MOV10L1: variants seen among roughly 807,000 people sequenced by gnomAD.
The protein encoded by MOV10L1 is Mov10 like RNA helicase 1.
MOV10L1 carries 110 observed loss-of-function variants against 143.8 expected under a neutral mutation model. That is an observed-to-expected ratio of 0.76 (90% CI 0.66 to 0.90). The LOEUF is 0.90. Ranked by LOEUF, MOV10L1 falls within the 40% of genes least tolerant of loss-of-function variation. The pLI is 0.00. For missense variants in MOV10L1, 1,406 were observed against 1,526.8 expected (o/e 0.92, Z 1.32); for synonymous variants, 593 against 581.1 (o/e 1.02, Z -0.29).
At chr22:50,123,569 C>T (rs894914065) in intron 10 of MOV10L1, among the ~76,000 whole-genome samples, 1 of 152,132 alleles carries the variant, frequency 6.6e-6, no homozygotes, top group African/African-American at 2.4e-5. Flanking sequence ...GTGCTAGTAT[C>T]GTGTTGAGGA....
At chr22:50,107,664 G>A (rs916256395) in intron 3 of MOV10L1, among the ~76,000 whole-genome samples, 1 of 152,202 alleles carries the variant, frequency 6.6e-6, no homozygotes, top group Middle Eastern at 3.2e-3. Flanking sequence ...GCGGTGTCTT[G>A]CGTCCGGCAG....
intron 2 of MOV10L1, chr22:50,093,550 C>T (rs952307953): frequency 6.6e-6 from 1 of 152,014 alleles, no homozygotes; most frequent in Non-Finnish European, 1.5e-5. Context: ...GCGCTGTCGC[C>T]CAGGCTGGAG....
chr22:50,113,935 T>TTC, intron 6 of MOV10L1, 147 bp downstream of exon 6: 1 of 799,694 alleles, frequency 1.3e-6, no homozygotes, highest in Non-Finnish European at 1.7e-6. Context: ...TTTTTTTTTT[T>TTC]TGAGACAGCG....
At chr22:50,156,266 C>T (rs2063426254) in intron 22 of MOV10L1, among the ~76,000 whole-genome samples, 1 of 151,972 alleles carries the variant, frequency 6.6e-6, no homozygotes. Flanking sequence ...CAGGCATGCC[C>T]CACCACGCCC....
chr22:50,108,841 G>A lies in MOV10L1; in HGVS notation c.740G>A (p.Arg247Lys). 1 of 1,613,882 alleles carries A rather than the reference G, an allele frequency of 6.2e-7. No individual in the cohort carries two copies. Among genetic ancestry groups the A allele is most frequent in the Non-Finnish European group, 8.5e-7 (1 of 1,179,834 alleles). ...WRALCMTLVK[R>K]RDAAPVHEAT... ...GCACTTTGTATGACCCTAGTGAAGA[G>A]GCGGTAAGAAAATGCTTTTCTGGCC... The change falls in exon 5 of 27, where the codon AGG becomes AAG. Residue 247 changes from arginine to lysine, a missense_variant. Around this residue, in one of 3 missense-constraint regions of MOV10L1, gnomAD observed 1,233 missense variants for 1,351.4 expected, o/e 0.91. Transcript: ENST00000262794.
chr22:50,099,245 G>A (rs928347455), intron 2 of MOV10L1, among the ~76,000 whole-genome samples, 198 bp from the exon 3 acceptor site: 4 of 152,218 alleles, frequency 2.6e-5, no homozygotes, highest in African/African-American at 9.6e-5. Context: ...GAACCCCTTT[G>A]CCCTTTCTGC....
At chr22:50,142,374 CT>C (rs1157920272) in intron 16 of MOV10L1, among the ~76,000 whole-genome samples, 185 bp downstream of exon 16, 1 of 152,172 alleles carries the variant, frequency 6.6e-6, no homozygotes, top group East Asian at 1.9e-4. Flanking sequence ...TTTAAGAAGA[CT>C]TTTAGATTCT....
intron 5 of MOV10L1, among the ~76,000 whole-genome samples, chr22:50,111,840 A>G (rs2062033604): frequency 6.6e-6 from 1 of 151,720 alleles, no homozygotes; most frequent in Non-Finnish European, 1.5e-5. Flanking sequence ...CTCACTCACC[A>G]CCAGTGAGCT....
rs1471650497 is a variant in MOV10L1 at position 50,158,062 on chromosome 22, C to T, written c.3072C>T (p.Ser1024=). 9.9e-6 allele frequency: 16 copies of T among 1,612,850 alleles called. No individual in the cohort carries two copies. The highest frequency in any genetic ancestry group is 1.3e-5 in the African/African-American group (1 of 74,900). ...FPLIFHGVRG[S]EAREGKSPSW... ...TTCTCTCCTCATCAACCCAGGGCAG[C>T]GAGGCACGGGAGGGAAAAAGCCCAT... is the stretch of plus-strand genomic sequence containing the variant. Residue 1024 remains serine (S), a synonymous_variant, in exon 23 of 27, where the codon AGC becomes AGT. Transcript: ENST00000262794. This position sits in a 1 kb window ranked among gnomAD's most constrained non-coding sequence, Gnocchi z 5.0.
At chr22:50,099,417 T>G in intron 2 of MOV10L1, 26 bp from the exon 3 acceptor site, 1 of 1,610,236 alleles carries the variant, frequency 6.2e-7, no homozygotes, top group Non-Finnish European at 8.5e-7. Context: ...CGTATTATGG[T>G]TTAGAGCGGT....
chr22:50,098,165 A>G (rs1017960941), intron 2 of MOV10L1, among the ~76,000 whole-genome samples: 17 of 151,890 alleles, frequency 1.1e-4, no homozygotes, highest in African/African-American at 4.1e-4. Context: ...CACTTTGGGT[A>G]GTATTGTCAT....
chr22:50,155,417 C>T (rs1453522465), intron 22 of MOV10L1, among the ~76,000 whole-genome samples: 4 of 151,884 alleles, frequency 2.6e-5, no homozygotes, highest in Non-Finnish European at 5.9e-5. Context: ...CCTGCCACCA[C>T]GTCCAACTAA....
At chr22:50,114,281 G>T in intron 6 of MOV10L1, 100 bp from the exon 7 acceptor site, 2 of 1,368,770 alleles carry the variant, frequency 1.5e-6, no homozygotes, top group South Asian at 1.4e-5. Context: ...AAGTGTATTT[G>T]CAGTCACCAC....
chr22:50,091,395 C>A, intron 1 of MOV10L1: 1 of 167,100 alleles, frequency 6.0e-6, no homozygotes. Flanking sequence ...ACTTGTCTGC[C>A]CAGCCCCGAA....
intron 7 of MOV10L1, 55 bp from the exon 8 acceptor site, chr22:50,115,059 T>C (rs2062133578): frequency 6.6e-7 from 1 of 1,517,698 alleles, no homozygotes; most frequent in Admixed American, 2.3e-5. Context: ...ATGCCAGCAC[T>C]GTTAGAGATA....
At chr22:50,128,538 GTCTTT>G in intron 13 of MOV10L1, 31 bp downstream of exon 13, 1 of 596,970 alleles carries the variant, frequency 1.7e-6, no homozygotes, top group Non-Finnish European at 2.8e-6. Context: ...TCTTTCAAAT[GTCTTT>G]TTTTTTTTTT....
intron 15 of MOV10L1, among the ~76,000 whole-genome samples, chr22:50,141,511 T>TTTTG (rs2062986923): frequency 6.7e-6 from 1 of 149,350 alleles, no homozygotes; most frequent in South Asian, 2.1e-4. Flanking sequence ...TTTTTTTTTT[T>TTTTG]GTATTTTTGC....
At chr22:50,112,799 G>A (rs923837272) in intron 5 of MOV10L1, among the ~76,000 whole-genome samples, 2 of 152,222 alleles carry the variant, frequency 1.3e-5, no homozygotes, top group African/African-American at 4.8e-5. Flanking sequence ...GCTGAGCCAC[G>A]CACCGGGCAG....
rs1477610522 is a variant in MOV10L1 at position 50,159,823 on chromosome 22, G to A, written c.3324+38G>A. On this transcript the variant is annotated intron_variant, in intron 24 of 26. Transcript: ENST00000262794. The surrounding 1 kb of genome is among the most constrained non-coding windows in gnomAD (Gnocchi z 4.1). ...GTTCTCCGTGGGGATGGACAGTCAG[G>A]TGCTTGCTGCCCTGGGGGTTCTGGG... is the stretch of plus-strand genomic sequence containing the variant. The A allele has an allele frequency of 7.1e-7, 1 of 1,408,470 alleles. No individual in the cohort carries two copies. Among genetic ancestry groups the A allele is most frequent in the Non-Finnish European group, 1.0e-6 (1 of 998,198 alleles). 87.2% of individuals were successfully genotyped at this position (1,408,470 alleles called of 1,614,324 possible). A position where few individuals can be genotyped will look rare whatever the true frequency, so the allele number is the denominator to read the frequency against.
Sources: gnomAD v4.1 joint callset for allele counts (sites outside exome capture counted in the v4.1 genomes callset) on GRCh38, gnomAD v4.1.1 for gene constraint, gnomAD v4.1.1 regional missense constraint, Gnocchi (gnomAD v3.1) non-coding constraint, MANE v1.5 for transcripts, NCBI Gene and HGNC (gene_info 2026-07-23, HGNC 2026-07-21) for gene names.